Variants in LMBR1 observed in about 807,000 individuals in gnomAD.
LMBR1 encodes limb development membrane protein 1.
In LMBR1, 52 loss-of-function variants were observed where a neutral mutation model predicts 73.9. That is an observed-to-expected ratio of 0.70 (90% confidence interval 0.56 to 0.89). The LOEUF (loss-of-function observed/expected upper bound fraction) is 0.89. Among genes scored for constraint, LMBR1 ranks in the 40% least tolerant of loss-of-function variants. The pLI, the probability that LMBR1 is intolerant of heterozygous loss-of-function variation, is 0.00. For missense variants in LMBR1, 539 were observed against 579.8 expected, an observed-to-expected ratio of 0.93 and a Z score of 0.72; for synonymous variants, 215 against 209.4, an observed-to-expected ratio of 1.03 and a Z score of -0.23.
At chr7:156,737,697 G>C (rs1036509729) in intron 9 of LMBR1, among the ~76,000 whole-genome samples, 10 of 144,468 alleles carry the variant, frequency 6.9e-5, no homozygotes, top group Non-Finnish European at 1.6e-4. Flanking sequence ...ATCCTTTTCT[G>C]CTCACTGAAT....
At chr7:156,758,801 T>C (rs1335762354) in intron 8 of LMBR1, among the ~76,000 whole-genome samples, 1 of 152,190 alleles carries the variant, frequency 6.6e-6, no homozygotes, top group Non-Finnish European at 1.5e-5. Context: ...CTCAGGTTTA[T>C]ACCAATGCAT....
At chr7:156,759,961 A>G (rs759662356) in intron 8 of LMBR1, among the ~76,000 whole-genome samples, 6 of 152,222 alleles carry the variant, frequency 3.9e-5, no homozygotes, top group Non-Finnish European at 8.8e-5. Flanking sequence ...CAGGGTGACT[A>G]GTCTAGCAGG....
intron 4 of LMBR1, among the ~76,000 whole-genome samples, chr7:156,805,117 C>T (rs958338221): frequency 1.3e-5 from 2 of 152,022 alleles, no homozygotes; most frequent in African/African-American, 2.4e-5. Context: ...TCCCTTGGCA[C>T]CTTTGTCAAA....
At chr7:156,758,340 T>C (rs1388777274) in intron 8 of LMBR1, among the ~76,000 whole-genome samples, 3 of 152,214 alleles carry the variant, frequency 2.0e-5, no homozygotes, top group African/African-American at 7.2e-5. Context: ...TACAAAAGGA[T>C]TTTTATCTTT....
At chr7:156,772,200 G>C (rs905667723) in intron 5 of LMBR1, among the ~76,000 whole-genome samples, 1 of 152,124 alleles carries the variant, frequency 6.6e-6, no homozygotes, top group Non-Finnish European at 1.5e-5. Flanking sequence ...CTTGAACCTG[G>C]GAGGCAGAGG....
intron 10 of LMBR1, among the ~76,000 whole-genome samples, chr7:156,729,418 G>GATATAT (rs10676443): frequency 7.5e-4 from 110 of 146,972 alleles, no homozygotes; most frequent in African/African-American, 2.4e-3. Flanking sequence ...TCTACATATT[G>GATATAT]ATATATATAT....
At chr7:156,848,686 C>T in intron 1 of LMBR1, among the ~76,000 whole-genome samples, 1 of 152,130 alleles carries the variant, frequency 6.6e-6, no homozygotes, top group African/African-American at 2.4e-5. Flanking sequence ...AATCCCAGCA[C>T]TTTGGGAGGC....
chr7:156,877,066 G>C (rs1586410916), intron 1 of LMBR1, among the ~76,000 whole-genome samples: 1 of 152,074 alleles, frequency 6.6e-6, no homozygotes, highest in African/African-American at 2.4e-5. Context: ...AAATAAAACT[G>C]ATACACCATT....
chr7:156,848,038 T>G (rs564353997), intron 1 of LMBR1, among the ~76,000 whole-genome samples: 2 of 150,186 alleles, frequency 1.3e-5, no homozygotes, highest in Non-Finnish European at 3.0e-5. Flanking sequence ...GGTAAATAAC[T>G]AAAATGTAGA....
At chr7:156,687,228 A>G (rs1329780188) in intron 16 of LMBR1, among the ~76,000 whole-genome samples, 1 of 152,228 alleles carries the variant, frequency 6.6e-6, no homozygotes, top group African/African-American at 2.4e-5. Context: ...AGTCATATGC[A>G]TTCAAATCAT....
Position 156,893,148 on chromosome 7 carries a change from C to A in LMBR1, c.-155G>T, listed in dbSNP as rs909110946. 3.0e-5 allele frequency: 19 copies of A among 641,552 alleles called. No individual in the cohort carries two copies. The highest frequency in any genetic ancestry group is 2.7e-4 in the African/African-American group (14 of 51,304). 39.7% of individuals were successfully genotyped at this position (641,552 alleles called of 1,614,324 possible). On this transcript the variant is annotated 5_prime_UTR_variant, in exon 1 of 17. Transcript: ENST00000353442. The stretch of plus-strand genomic sequence containing the variant: ...CAGGTACCGCGACCACGACACCGGC[C>A]GTCGCCTCAGCAGCCTCAGACGAGC...
At chr7:156,753,258 A>T (rs916847728) in intron 9 of LMBR1, among the ~76,000 whole-genome samples, 3 of 152,054 alleles carry the variant, frequency 2.0e-5, no homozygotes, top group Non-Finnish European at 2.9e-5. Context: ...TCAGAGAAGG[A>T]TTAGAAACGA....
intron 1 of LMBR1, among the ~76,000 whole-genome samples, chr7:156,846,314 G>C (rs765107437): frequency 6.6e-6 from 1 of 151,710 alleles, no homozygotes; most frequent in Non-Finnish European, 1.5e-5. Context: ...CAAAAACAAA[G>C]ATGCCAAATA....
intron 15 of LMBR1, among the ~76,000 whole-genome samples, chr7:156,714,124 G>C (rs1812685328): frequency 1.3e-5 from 2 of 152,208 alleles, no homozygotes; most frequent in African/African-American, 2.4e-5. Flanking sequence ...TGGGAAGTGA[G>C]AGTGTGTAAA....
At chr7:156,849,624 A>C (rs1041557598) in intron 1 of LMBR1, among the ~76,000 whole-genome samples, 1 of 152,226 alleles carries the variant, frequency 6.6e-6, no homozygotes, top group South Asian at 2.1e-4. Context: ...GGAAAAGGCA[A>C]AACAAAACTG....
At chr7:156,716,912 G>C (rs536768410) in intron 15 of LMBR1, among the ~76,000 whole-genome samples, 2 of 152,244 alleles carry the variant, frequency 1.3e-5, no homozygotes, top group Admixed American at 6.5e-5. Context: ...GAGCCCAGGA[G>C]TTCAAGGAGT....
intron 5 of LMBR1, among the ~76,000 whole-genome samples, chr7:156,787,951 AT>A (rs1828452320): frequency 6.6e-6 from 1 of 152,078 alleles, no homozygotes. Context: ...TAATTTTTAT[AT>A]TTTTAGTAGA....
chr7:156,789,239 G>A (rs572511179), intron 5 of LMBR1, among the ~76,000 whole-genome samples: 1 of 152,040 alleles, frequency 6.6e-6, no homozygotes, highest in South Asian at 2.1e-4. Context: ...ATCCCTAAAA[G>A]AAGACACATT....
intron 5 of LMBR1, among the ~76,000 whole-genome samples, chr7:156,776,891 T>C (rs1292956734): frequency 6.6e-6 from 1 of 152,106 alleles, no homozygotes; most frequent in Non-Finnish European, 1.5e-5. Flanking sequence ...TGGCAATCTT[T>C]ATACTGATCT....
Sources: gnomAD v4.1 joint callset for allele counts (sites outside exome capture counted in the v4.1 genomes callset) on GRCh38, gnomAD v4.1.1 for gene constraint, MANE v1.5 for transcripts, NCBI Gene and HGNC (gene_info 2026-07-23, HGNC 2026-07-21) for gene names.